Variants in EFCAB13 observed in about 807,000 individuals in gnomAD.
EFCAB13 encodes EF-hand calcium-binding domain-containing protein 13.
EFCAB13 carries 91 observed loss-of-function variants against 110.2 expected under a neutral mutation model. That is an observed-to-expected ratio of 0.83 (90% confidence interval 0.70 to 0.98). EFCAB13 has a LOEUF of 0.98. Ranked by LOEUF, EFCAB13 falls within the 50% of genes least tolerant of loss-of-function variation. The pLI, the probability that EFCAB13 is intolerant of heterozygous loss-of-function variation, is 0.00. For missense variants in EFCAB13, 968 were observed against 1,119.4 expected (o/e 0.86, Z 1.93); for synonymous variants, 323 against 369.9 (o/e 0.87, Z 1.45).
chr17:47,371,196 A>C (rs945902880), intron 11 of EFCAB13, among the ~76,000 whole-genome samples: 1 of 146,372 alleles, frequency 6.8e-6, no homozygotes, highest in Non-Finnish European at 1.5e-5. Context: ...TCAATCTGTT[A>C]TTTCTTTGGC....
In EFCAB13 at chr17:47,432,941, C is replaced by T. The variant is rs564905730; in HGVS notation, c.2638+2980C>T. Among the ~76,000 whole-genome samples the T allele has an allele frequency of 9.8e-5, 15 of 152,298 alleles. No individual in the cohort carries two copies. In the South Asian group the frequency reaches 2.9e-3, roughly 29 times the overall value. Reference sequence around the variant, plus strand: ...GTTAGCATCATACATAGCCATGTAACATTTATTAAAACAAAGATATTAATA... The same window carrying T: ...GTTAGCATCATACATAGCCATGTAATATTTATTAAAACAAAGATATTAATA... On this transcript the variant is annotated intron_variant, in intron 24 of 24. Transcript: ENST00000331493.
intron 9 of EFCAB13, among the ~76,000 whole-genome samples, chr17:47,351,304 TGCGCGCGCGC>T (rs71141904): frequency 5.8e-4 from 71 of 123,098 alleles, no homozygotes; most frequent in African/African-American, 1.5e-3. Context: ...TGTGTGTGTG[TGCGCGCGCGC>T]GCGCGCGCGC....
chr17:47,372,485 C>T (rs1347943225), intron 11 of EFCAB13, among the ~76,000 whole-genome samples: 1 of 152,144 alleles, frequency 6.6e-6, no homozygotes, highest in Non-Finnish European at 1.5e-5. Context: ...GAAGTGCACA[C>T]CACCATTATA....
intron 23 of EFCAB13, among the ~76,000 whole-genome samples, chr17:47,427,203 A>G (rs1281112730): frequency 6.6e-6 from 1 of 152,102 alleles, no homozygotes; most frequent in East Asian, 1.9e-4. Flanking sequence ...TCCAAAATAC[A>G]GTGCTGTAAA....
Position 47,374,517 on chromosome 17 carries a change from A to G in EFCAB13, c.923A>G (p.Lys308Arg). ...SPLNEITSDR[K>R]LSSVAGCYLK... ...TTGAATGAAATTACTTCAGACAGAA[A>G]GTTATCAAGTGTAGCAGGATGCTAT... is the stretch of plus-strand genomic sequence containing the variant. The change falls in exon 12 of 25, where the codon AAG (lysine) becomes AGG (arginine). Residue 308 changes from lysine (K) to arginine (R), a missense_variant. Lys to Arg is a conservative substitution (Grantham distance 26, BLOSUM62 2). Transcript: ENST00000331493. 6.4e-7 allele frequency: 1 copy of G among 1,557,098 alleles called. No individual in the cohort carries two copies. The highest frequency in any genetic ancestry group is 8.6e-7 in the Non-Finnish European group (1 of 1,159,290).
In EFCAB13 at chr17:47,347,960, T is replaced by A. The variant is rs747197217; in HGVS notation, c.661+9T>A. 8.2e-5 allele frequency: 117 copies of A among 1,431,894 alleles called. No homozygotes were observed. The highest frequency in any genetic ancestry group is 1.1e-4 in the Non-Finnish European group (116 of 1,076,074). The allele number at this position is 1,431,894 out of a possible 1,614,324, so 88.7% of individuals were successfully genotyped here. ...GACTGTTGATATTGATGGTAAGTTT[T>A]ATCTTTTCAGTATTAGTTTAAGGGT... is the stretch of plus-strand genomic sequence containing the variant. On this transcript the variant is annotated intron_variant, in intron 9 of 24. Transcript: ENST00000331493.
intron 17 of EFCAB13, among the ~76,000 whole-genome samples, chr17:47,399,329 A>G (rs996281746): frequency 3.3e-5 from 5 of 152,248 alleles, no homozygotes; most frequent in African/African-American, 9.6e-5. Context: ...GCCATTTGTC[A>G]TATCATTTCT....
At chr17:47,416,109 TG>T (rs773743441) in intron 23 of EFCAB13, among the ~76,000 whole-genome samples, 1 of 152,186 alleles carries the variant, frequency 6.6e-6, no homozygotes, top group Non-Finnish European at 1.5e-5. Context: ...TTTAATCAGA[TG>T]TAGCTTTTAG....
intron 20 of EFCAB13, among the ~76,000 whole-genome samples, chr17:47,405,762 T>TA (rs1184542687): frequency 2.0e-5 from 3 of 151,696 alleles, no homozygotes; most frequent in Non-Finnish European, 4.4e-5. Flanking sequence ...TCTCTGTTTT[T>TA]AAAGTACTAG....
chr17:47,349,755 G>A (rs914211173), intron 9 of EFCAB13, among the ~76,000 whole-genome samples: 24 of 104,772 alleles, frequency 2.3e-4, no homozygotes, highest in South Asian at 9.6e-4. Flanking sequence ...TGTGGCTGAT[G>A]TTTCTTTTTT....
chr17:47,390,910 G>GTCTGTCTTATCTA (rs1555583655), intron 14 of EFCAB13, among the ~76,000 whole-genome samples: 4 of 106,626 alleles, frequency 3.8e-5, no homozygotes, highest in South Asian at 6.0e-4. Context: ...ATGTGTGTCT[G>GTCTGTCTTATCTA]TCTGTCTATC....
intron 15 of EFCAB13, among the ~76,000 whole-genome samples, chr17:47,393,546 C>T (rs996037888): frequency 2.6e-5 from 4 of 151,804 alleles, no homozygotes; most frequent in Non-Finnish European, 5.9e-5. Flanking sequence ...ATGGAAACCC[C>T]ATCTCTCCTA....
intron 14 of EFCAB13, among the ~76,000 whole-genome samples, chr17:47,380,555 C>G (rs772343742): frequency 4.6e-5 from 7 of 152,140 alleles, no homozygotes; most frequent in Non-Finnish European, 1.0e-4. Context: ...GTGCATGTGT[C>G]TTTATAGTAG....
intron 22 of EFCAB13, among the ~76,000 whole-genome samples, chr17:47,413,877 C>A (rs1904330449): frequency 6.6e-6 from 1 of 152,018 alleles, no homozygotes; most frequent in African/African-American, 2.4e-5. Flanking sequence ...TATCTAAGTT[C>A]CTAACCTTAT....
intron 23 of EFCAB13, among the ~76,000 whole-genome samples, chr17:47,429,247 C>A (rs192842646): frequency 4.5e-4 from 69 of 152,202 alleles, no homozygotes; most frequent in Admixed American, 3.8e-3. Context: ...ATAGGTTATT[C>A]ATCAGTTTAA....
At position 47,440,774 on chromosome 17, in the gene EFCAB13, T is replaced by G. The variant is rs1719617145; in HGVS notation, c.*60T>G. 1.5e-6 allele frequency: 2 copies of G among 1,302,492 alleles called. No homozygotes were observed. The highest frequency in any genetic ancestry group is 2.1e-6 in the Non-Finnish European group (2 of 972,502). 80.7% of individuals were successfully genotyped at this position (1,302,492 alleles called of 1,614,324 possible). A position where few individuals can be genotyped will look rare whatever the true frequency, so the allele number is the denominator to read the frequency against. ...ATTATATATTATTCAGTATGCATAT[T>G]TGACTTCTGAAATTATTAGAAAATA... is the stretch of plus-strand genomic sequence containing the variant. On this transcript the variant is annotated 3_prime_UTR_variant, in exon 25 of 25. Transcript: ENST00000331493.
chr17:47,407,020 A>G (rs945560135), intron 20 of EFCAB13, among the ~76,000 whole-genome samples: 1 of 152,166 alleles, frequency 6.6e-6, no homozygotes, highest in African/African-American at 2.4e-5. Context: ...TCTTAGTCCA[A>G]ATGTTTGTGA....
chr17:47,420,559 C>T (rs1274137302), intron 23 of EFCAB13, among the ~76,000 whole-genome samples: 6 of 152,122 alleles, frequency 3.9e-5, no homozygotes, highest in East Asian at 3.9e-4. Context: ...TCTGCCCGGC[C>T]GCCCATCGTC....
At chr17:47,336,231 A>T (rs2065349241) in intron 5 of EFCAB13, among the ~76,000 whole-genome samples, 1 of 150,758 alleles carries the variant, frequency 6.6e-6, no homozygotes, top group African/African-American at 2.4e-5. Flanking sequence ...GGTTCAAGTG[A>T]TTCTTCTGCC....
Sources: gnomAD v4.1 joint callset for allele counts (sites outside exome capture counted in the v4.1 genomes callset) on GRCh38, gnomAD v4.1.1 for gene constraint, MANE v1.5 for transcripts, NCBI Gene and HGNC (gene_info 2026-07-23, HGNC 2026-07-21) for gene names.